The following CTSH variants were observed in gnomAD, a reference collection of about 807,000 sequenced individuals.
CTSH encodes the protein pro-cathepsin H.
A neutral mutation model predicts 56.3 loss-of-function variants in CTSH; 52 were observed. That is an observed-to-expected ratio of 0.92 (90% CI 0.74 to 1.16). CTSH has a LOEUF of 1.16. CTSH is among the 50% of genes most tolerant of loss of function. The pLI is 0.00. For synonymous variants in CTSH, 174 were observed against 155.7 expected (o/e 1.12, Z -0.88); for missense variants, 406 against 424.5 (o/e 0.96, Z 0.38).
At position 78,932,396 on chromosome 15, in the gene CTSH, G is replaced by C; in HGVS notation, c.468C>G (p.Ile156Met). ...TTGALESAIA[I>M]ATGKMLSLAE... Reference sequence around the variant, plus strand: ...CCAAGGACAGCATCTTTCCGGTTGCGATGGCGATCGCAGACTCCAGGGCCC... The same window carrying C: ...CCAAGGACAGCATCTTTCCGGTTGCCATGGCGATCGCAGACTCCAGGGCCC... Residue 156 changes from isoleucine (I) to methionine (M), a missense_variant, in exon 6 of 12, where the codon ATC (isoleucine) becomes ATG (methionine). Coordinates refer to ENST00000220166, the MANE Select transcript of CTSH (RefSeq NM_004390.5). 6.2e-7 allele frequency: 1 copy of C among 1,614,104 alleles called. No individual in the cohort carries two copies. Among genetic ancestry groups the C allele is most frequent in the South Asian group, 1.1e-5 (1 of 91,078 alleles).
intron 1 of CTSH, 135 bp downstream of exon 1, chr15:78,944,756 C>A: frequency 7.4e-7 from 1 of 1,351,910 alleles, no homozygotes; most frequent in Non-Finnish European, 9.6e-7. Context: ...CGTGCCAGCA[C>A]GCAGAGTTCC....
intron 1 of CTSH, 45 bp from the exon 2 acceptor site, chr15:78,939,216 T>A (rs1238354608): frequency 6.6e-7 from 1 of 1,520,070 alleles, no homozygotes; most frequent in Non-Finnish European, 8.9e-7. Context: ...ATCACAGTAA[T>A]GTTGAGTCTA....
At chr15:78,940,493 C>A (rs577247092) in intron 1 of CTSH, among the ~76,000 whole-genome samples, 1 of 150,930 alleles carries the variant, frequency 6.6e-6, no homozygotes, top group Non-Finnish European at 1.5e-5. Flanking sequence ...GCTATGATAG[C>A]GCCACTGCAT....
At chr15:78,924,713 A>C (rs185365461) in intron 10 of CTSH, among the ~76,000 whole-genome samples, 1 of 149,856 alleles carries the variant, frequency 6.7e-6, no homozygotes, top group East Asian at 2.0e-4. Flanking sequence ...TTTCTGAGAC[A>C]GAGCTTTGCT....
rs2055139003 is a variant in CTSH, at chr15:78,934,824, C to T, written c.405+154G>A. On this transcript the variant is annotated intron_variant, in intron 5 of 11. Transcript: ENST00000220166. Reference sequence around the variant, plus strand: ...CTAGAGAAGTGCTGACCTCCCTGGCCCCTCAAAGGAAGAGGGCTGGAGAGA... The same window carrying T: ...CTAGAGAAGTGCTGACCTCCCTGGCTCCTCAAAGGAAGAGGGCTGGAGAGA... The T allele has an allele frequency of 4.2e-6, 3 of 710,614 alleles. No homozygotes were observed. The African/African-American group carries it at 5.2e-5, about 12-fold the overall frequency. 44.0% of individuals were successfully genotyped at this position (710,614 alleles called of 1,614,324 possible). A position where few individuals can be genotyped will look rare whatever the true frequency, so the allele number is the denominator to read the frequency against.
intron 1 of CTSH, among the ~76,000 whole-genome samples, chr15:78,942,302 A>G (rs1280006111): frequency 7.3e-6 from 1 of 136,260 alleles, no homozygotes; most frequent in Non-Finnish European, 1.5e-5. Flanking sequence ...TGCAACCTCC[A>G]CCTCCCTGGT....
chr15:78,939,400 G>T (rs2055242275), intron 1 of CTSH, among the ~76,000 whole-genome samples: 1 of 152,198 alleles, frequency 6.6e-6, no homozygotes, highest in Admixed American at 6.5e-5. Context: ...GGTGTTGAAA[G>T]TCAGGATGGT....
At chr15:78,924,978 G>A (rs2054871057) in intron 10 of CTSH, among the ~76,000 whole-genome samples, 1 of 151,758 alleles carries the variant, frequency 6.6e-6, no homozygotes, top group Non-Finnish European at 1.5e-5. Context: ...GTACAGGCAT[G>A]AGCCACCACG....
At chr15:78,924,119 A>AGGGGGG (rs1567345760) in intron 10 of CTSH, among the ~76,000 whole-genome samples, 3 of 2,284 alleles carry the variant, frequency 1.3e-3, no homozygotes, top group Non-Finnish European at 1.8e-3. Flanking sequence ...GAGGGTGGGC[A>AGGGGGG]GGGTGGGTCA....
chr15:78,944,583 C>G (rs1397434368), intron 1 of CTSH: 3 of 306,440 alleles, frequency 9.8e-6, no homozygotes, highest in Non-Finnish European at 1.8e-5. Context: ...ACTCTGTGTC[C>G]CCAGTTGAGG....
At chr15:78,929,325 G>C in intron 8 of CTSH, 87 bp downstream of exon 8, 1 of 1,004,082 alleles carries the variant, frequency 1.0e-6, no homozygotes. Flanking sequence ...GAGGTGGGGG[G>C]AGAAGGGATG....
At chr15:78,929,386 G>C in intron 8 of CTSH, 26 bp downstream of exon 8, 1 of 1,581,908 alleles carries the variant, frequency 6.3e-7, no homozygotes, top group Non-Finnish European at 8.7e-7. Flanking sequence ...ACGCCAAGAA[G>C]ACAGAGTGGA....
chr15:78,931,515 A>G lies in CTSH; in HGVS notation c.493-9T>C. On this transcript the variant is annotated splice_polypyrimidine_tract_variant and intron_variant, in intron 6 of 11. Coordinates refer to ENST00000220166, the MANE Select transcript of CTSH (RefSeq NM_004390.5). ...ACCAGCTGCTGTTCCGCCTGGAAGA[A>G]GGACACAACCCAGTGACCTGCCAGC... 1 of 1,614,240 alleles carries G rather than the reference A, an allele frequency of 6.2e-7. No individual in the cohort carries two copies. The highest frequency in any genetic ancestry group is 1.7e-5 in the Admixed American group (1 of 60,024).
Position 78,937,425 on chromosome 15 carries a change from T to TA in CTSH, c.124-3dup. 2 of 1,612,882 alleles carry TA rather than the reference T, an allele frequency of 1.2e-6. No individual in the cohort carries two copies. The highest frequency in any genetic ancestry group is 1.1e-5 in the South Asian group (1 of 90,962). On this transcript the variant is annotated splice_region_variant and splice_polypyrimidine_tract_variant and intron_variant, in intron 2 of 11. Transcript: ENST00000220166. ...CTCCGTACTGTAGGTCTTACGGTGCTAAAACAAAACACGCCAGTAGCAAGT... is the reference window on the plus strand; with the variant it reads ...CTCCGTACTGTAGGTCTTACGGTGCTAAAAACAAAACACGCCAGTAGCAAGT...
intron 7 of CTSH, 59 bp downstream of exon 7, chr15:78,931,392 T>C (rs2055056820): frequency 6.2e-7 from 1 of 1,608,074 alleles, no homozygotes; most frequent in Non-Finnish European, 8.5e-7. Context: ...CACTGGATCC[T>C]GTCGAAGCGG....
chr15:78,929,813 G>A (rs1014704879), intron 7 of CTSH, among the ~76,000 whole-genome samples: 5 of 152,170 alleles, frequency 3.3e-5, no homozygotes, highest in Non-Finnish European at 7.4e-5. Flanking sequence ...CGCCACAGCC[G>A]AGCCCCTGGG....
At chr15:78,927,836 T>TC (rs2054946650) in intron 8 of CTSH, 55 bp from the exon 9 acceptor site, 1 of 1,439,922 alleles carries the variant, frequency 6.9e-7, no homozygotes, top group Admixed American at 1.7e-5. Flanking sequence ...AGTCTCAGCC[T>TC]CCCCACGCAG....
chr15:78,934,718 A>G lies in CTSH; in HGVS notation c.405+260T>C, dbSNP rs1361163003. The G allele has an allele frequency of 2.3e-5, 12 of 522,188 alleles. No homozygotes were observed. The East Asian group carries it at 2.6e-4, about 11-fold the overall frequency. 32.3% of individuals were successfully genotyped at this position (522,188 alleles called of 1,614,324 possible). ...GCTCTGTAGGAGAGACCTGGGACCA[A>G]TGGGAAAATCTGGGGCGTGGGGAAG... On this transcript the variant is annotated intron_variant, in intron 5 of 11. Coordinates refer to ENST00000220166, the MANE Select transcript of CTSH (RefSeq NM_004390.5).
intron 9 of CTSH, 137 bp from the exon 10 acceptor site, chr15:78,925,577 C>G (rs1232762493): frequency 4.9e-6 from 3 of 608,332 alleles, no homozygotes; most frequent in Non-Finnish European, 9.0e-6. Context: ...CCTGCGGCCT[C>G]TCTCCCTTCC....
Sources: gnomAD v4.1 joint callset for allele counts (sites outside exome capture counted in the v4.1 genomes callset) on GRCh38, gnomAD v4.1.1 for gene constraint, MANE v1.5 for transcripts, NCBI Gene and HGNC (gene_info 2026-07-23, HGNC 2026-07-21) for gene names.